RBFOX1: variants seen among roughly 807,000 people sequenced by gnomAD.
The protein encoded by RBFOX1 is RNA binding fox-1 homolog 1, also known as RNA binding protein fox-1 homolog 1.
RBFOX1 carries 8 observed loss-of-function variants against 57.7 expected under a neutral mutation model. That is an observed-to-expected ratio of 0.14 (90% CI 0.08 to 0.25). The LOEUF is 0.25. Ranked by LOEUF, RBFOX1 falls within the 10% of genes least tolerant of loss-of-function variation. RBFOX1 has a pLI of 1.00. For synonymous variants in RBFOX1, 326 were observed against 222.4 expected, an observed-to-expected ratio of 1.47 and a Z score of -4.15; for missense variants, 611 against 548.5, an observed-to-expected ratio of 1.11 and a Z score of -1.14.
At chr16:7,210,864 A>C (rs1319678705) in intron 4 of RBFOX1, among the ~76,000 whole-genome samples, 2 of 152,090 alleles carry the variant, frequency 1.3e-5, no homozygotes, top group African/African-American at 4.8e-5. Context: ...TAATGTATTG[A>C]ATACTGGTAA....
At chr16:7,694,050 G>C (rs1484209282) in intron 14 of RBFOX1, among the ~76,000 whole-genome samples, 1 of 152,188 alleles carries the variant, frequency 6.6e-6, no homozygotes, top group Admixed American at 6.5e-5. Context: ...GTTCAGAACA[G>C]TTAAATTTGT....
intron 3 of RBFOX1, among the ~76,000 whole-genome samples, chr16:6,799,445 G>A (rs1256089112): frequency 1.3e-5 from 2 of 152,116 alleles, no homozygotes; most frequent in Non-Finnish European, 1.5e-5. Flanking sequence ...GGAAAAGAGG[G>A]AGTTCCCAGA....
chr16:7,043,098 G>A lies in RBFOX1; in HGVS notation c.-15-8959G>A, dbSNP rs951347551. ...TTGACTGTGCCATTCACGGTATCTT[G>A]TTTCTGTATCCTTGGGGAGGTCCTC... On this transcript the variant is annotated intron_variant, in intron 3 of 15. Transcript: ENST00000550418. Among the ~76,000 whole-genome samples the A allele has an allele frequency of 5.6e-5, 8 of 142,250 alleles. No homozygotes were observed. In the East Asian group the frequency reaches 1.4e-3, roughly 25 times the overall value. The allele number at this position is 142,250 out of a possible 152,430, so 93.3% of individuals were successfully genotyped here.
chr16:6,057,489 A>G (rs1201346432), intron 1 of RBFOX1, among the ~76,000 whole-genome samples: 1 of 152,132 alleles, frequency 6.6e-6, no homozygotes, highest in Admixed American at 6.6e-5. Context: ...CCAAAGTGAC[A>G]GGCCTGGGTT....
At chr16:6,693,888 G>C (rs1191828527) in intron 3 of RBFOX1, among the ~76,000 whole-genome samples, 1 of 152,222 alleles carries the variant, frequency 6.6e-6, no homozygotes, top group African/African-American at 2.4e-5. Context: ...CATATACAAT[G>C]TTGGATCCTT....
At chr16:6,423,728 G>A (rs1597042553) in intron 2 of RBFOX1, among the ~76,000 whole-genome samples, 2 of 152,156 alleles carry the variant, frequency 1.3e-5, no homozygotes, top group Non-Finnish European at 1.5e-5. Context: ...CAGAGGACGT[G>A]GGGAGGTGTA....
At chr16:6,529,284 C>T (rs1257648735) in intron 2 of RBFOX1, among the ~76,000 whole-genome samples, 1 of 152,078 alleles carries the variant, frequency 6.6e-6, no homozygotes, top group African/African-American at 2.4e-5. Flanking sequence ...TTACCCTGTC[C>T]AGGCACGGTG....
At chr16:6,274,088 G>A (rs1219540261) in intron 1 of RBFOX1, among the ~76,000 whole-genome samples, 2 of 152,170 alleles carry the variant, frequency 1.3e-5, no homozygotes, top group African/African-American at 2.4e-5. Context: ...CATACACATC[G>A]CTGGAGAGGA....
chr16:6,892,633 G>T (rs2065740787), intron 3 of RBFOX1, among the ~76,000 whole-genome samples: 1 of 152,134 alleles, frequency 6.6e-6, no homozygotes, highest in Non-Finnish European at 1.5e-5. Context: ...TTGCACCACT[G>T]TACTCCAGCC....
intron 1 of RBFOX1, among the ~76,000 whole-genome samples, chr16:6,160,531 C>T (rs751705365): frequency 1.3e-5 from 2 of 152,176 alleles, no homozygotes; most frequent in Admixed American, 6.5e-5. Flanking sequence ...TGAGTCATTA[C>T]CACCAGAGCC....
chr16:5,361,142 T>G (rs1014221301), intron 1 of RBFOX1, among the ~76,000 whole-genome samples: 14 of 152,246 alleles, frequency 9.2e-5, no homozygotes, highest in Admixed American at 2.6e-4. Context: ...AGTTTACAGA[T>G]GTAAAAGGCA....
At chr16:6,106,678 C>CT (rs1567470185) in intron 1 of RBFOX1, among the ~76,000 whole-genome samples, 1 of 151,718 alleles carries the variant, frequency 6.6e-6, no homozygotes, top group Non-Finnish European at 1.5e-5. Flanking sequence ...CCTTCTTTTC[C>CT]TTTTTTTGAG....
chr16:5,754,114 A>G (rs2053312617), intron 3 of RBFOX1, among the ~76,000 whole-genome samples: 1 of 152,144 alleles, frequency 6.6e-6, no homozygotes, highest in Non-Finnish European at 1.5e-5. Context: ...TTTGAGGGTA[A>G]TTTTAGCCAT....
intron 4 of RBFOX1, among the ~76,000 whole-genome samples, chr16:6,000,201 T>C (rs1203748902): frequency 2.0e-5 from 3 of 152,176 alleles, no homozygotes; most frequent in Non-Finnish European, 4.4e-5. Flanking sequence ...GGGCAGTACC[T>C]GGACAAGATC....
At chr16:7,462,686 G>T (rs4787021) in intron 4 of RBFOX1, among the ~76,000 whole-genome samples, 138,709 of 152,266 alleles carry the variant, frequency 0.91, 63,493 homozygotes, top group East Asian at 1. Context: ...ACTCAGCTTT[G>T]CCTGGTTCAG....
intron 3 of RBFOX1, among the ~76,000 whole-genome samples, chr16:6,976,741 TATATATC>T (rs2086969895): frequency 6.9e-6 from 1 of 145,436 alleles, no homozygotes; most frequent in Non-Finnish European, 1.5e-5. Flanking sequence ...GTATCATACA[TATATATC>T]ATGTCATACA....
At chr16:5,647,473 G>A (rs749738332) in intron 3 of RBFOX1, among the ~76,000 whole-genome samples, 19 of 152,088 alleles carry the variant, frequency 1.2e-4, no homozygotes, top group Non-Finnish European at 2.5e-4. Context: ...TCCACTTCAC[G>A]GGGTTATTGT....
At chr16:5,680,658 A>G (rs2050304717) in intron 3 of RBFOX1, among the ~76,000 whole-genome samples, 1 of 152,228 alleles carries the variant, frequency 6.6e-6, no homozygotes, top group Admixed American at 6.5e-5. Flanking sequence ...TTGAGAGGGA[A>G]GAAAAAGTAG....
chr16:6,594,779 C>G (rs1331401139), intron 2 of RBFOX1, among the ~76,000 whole-genome samples: 2 of 151,902 alleles, frequency 1.3e-5, no homozygotes, highest in African/African-American at 4.8e-5. Flanking sequence ...AAAGTGTACA[C>G]TTCAGTGTTT....
Sources: gnomAD v4.1 joint callset for allele counts (sites outside exome capture counted in the v4.1 genomes callset) on GRCh38, gnomAD v4.1.1 for gene constraint, MANE v1.5 for transcripts, NCBI Gene and HGNC (gene_info 2026-07-23, HGNC 2026-07-21) for gene names.